Variants in NDUFAF2 observed in about 807,000 individuals in gnomAD.
The protein encoded by NDUFAF2 is NADH dehydrogenase [ubiquinone] 1 alpha subcomplex assembly factor 2.
A neutral mutation model predicts 22.8 loss-of-function variants in NDUFAF2; 13 were observed. The ratio of observed to expected loss-of-function variants is 0.57; its 90% CI spans 0.37 to 0.91. The LOEUF is 0.91. Among genes scored for constraint, NDUFAF2 ranks in the 40% least tolerant of loss-of-function variants. NDUFAF2 has a pLI of 0.01. For synonymous variants in NDUFAF2, 53 were observed against 64.2 expected, an observed-to-expected ratio of 0.83 and a Z score of 0.84; for missense variants, 162 against 195.2, an observed-to-expected ratio of 0.83 and a Z score of 1.01.
intron 3 of NDUFAF2, among the ~76,000 whole-genome samples, chr5:61,151,802 CAA>C (rs66747926): frequency 1.3e-5 from 2 of 151,318 alleles, no homozygotes; most frequent in East Asian, 1.9e-4. Context: ...CTCAAAAAAA[CAA>C]AAAAAAACCA....
chr5:61,083,669 C>G (rs1215390588), intron 2 of NDUFAF2, among the ~76,000 whole-genome samples: 1 of 151,304 alleles, frequency 6.6e-6, no homozygotes, highest in Non-Finnish European at 1.5e-5. Flanking sequence ...TGAGCCACCC[C>G]TCCGGCCTGT....
intron 1 of NDUFAF2, among the ~76,000 whole-genome samples, chr5:61,038,804 A>G (rs1234917862): frequency 6.6e-6 from 1 of 152,140 alleles, no homozygotes; most frequent in African/African-American, 2.4e-5. Context: ...ACTCCATAAC[A>G]TTTGAGGTCA....
chr5:60,962,462 A>G (rs1465557882), intron 1 of NDUFAF2, among the ~76,000 whole-genome samples: 2 of 152,168 alleles, frequency 1.3e-5, no homozygotes, highest in African/African-American at 4.8e-5. Flanking sequence ...ATGAAGCTAT[A>G]TTATTTTCAT....
intron 2 of NDUFAF2, among the ~76,000 whole-genome samples, chr5:61,090,370 A>G (rs927026023): frequency 2.2e-4 from 33 of 151,994 alleles, no homozygotes; most frequent in African/African-American, 8.0e-4. Flanking sequence ...GTTCCAATCA[A>G]CCTTATTTCT....
chr5:61,071,075 G>A (rs765894426), intron 1 of NDUFAF2, among the ~76,000 whole-genome samples: 2 of 152,130 alleles, frequency 1.3e-5, no homozygotes, highest in Non-Finnish European at 2.9e-5. Context: ...TTGTTATGAT[G>A]TATTTATATA....
intron 1 of NDUFAF2, among the ~76,000 whole-genome samples, chr5:61,040,302 G>C (rs1179710331): frequency 1.4e-5 from 2 of 146,368 alleles, no homozygotes; most frequent in Non-Finnish European, 3.0e-5. Flanking sequence ...GCGCGCGCGC[G>C]AAAGTTGAAA....
intron 1 of NDUFAF2, among the ~76,000 whole-genome samples, chr5:61,052,625 A>G (rs79424700): frequency 1.3e-5 from 2 of 152,194 alleles, no homozygotes; most frequent in African/African-American, 4.8e-5. Context: ...GTTATTTTCT[A>G]TTATCCTTAA....
At chr5:60,984,671 G>C (rs1420396566) in intron 1 of NDUFAF2, among the ~76,000 whole-genome samples, 1 of 152,168 alleles carries the variant, frequency 6.6e-6, no homozygotes, top group African/African-American at 2.4e-5. Flanking sequence ...TTTGTTGTTG[G>C]TTCTGTTTAT....
chr5:60,986,719 A>G (rs929776612), intron 1 of NDUFAF2, among the ~76,000 whole-genome samples: 1 of 152,140 alleles, frequency 6.6e-6, no homozygotes, highest in South Asian at 2.1e-4. Context: ...TCACAGGGTC[A>G]GGAGTTTAAG....
At chr5:61,141,867 C>T (rs988967333) in intron 3 of NDUFAF2, among the ~76,000 whole-genome samples, 1 of 152,048 alleles carries the variant, frequency 6.6e-6, no homozygotes, top group Non-Finnish European at 1.5e-5. Flanking sequence ...CTCTTCTTCC[C>T]TCTCTCATCC....
At chr5:61,128,533 A>C (rs1753066404) in intron 3 of NDUFAF2, among the ~76,000 whole-genome samples, 1 of 152,212 alleles carries the variant, frequency 6.6e-6, no homozygotes, top group Non-Finnish European at 1.5e-5. Flanking sequence ...AACCTGACAA[A>C]AACAAGAAAT....
intron 1 of NDUFAF2, among the ~76,000 whole-genome samples, chr5:60,978,574 G>A (rs1580076590): frequency 1.3e-5 from 2 of 152,250 alleles, no homozygotes; most frequent in South Asian, 2.1e-4. Flanking sequence ...TCACTATTGC[G>A]ATGATAGCAC....
chr5:61,018,011 C>T lies in NDUFAF2; in HGVS notation c.128-55114C>T, dbSNP rs545246876. ...AAGTGATTCGCCCACCTCGGCCTCC[C>T]AGAGTGCTGGGATTACAGGCGTGAG... On this transcript the variant is annotated intron_variant, in intron 1 of 3. Transcript: ENST00000296597. Among the ~76,000 whole-genome samples, 6 of 152,286 alleles carry T rather than the reference C, an allele frequency of 3.9e-5. No individual in the cohort carries two copies. In the East Asian group the frequency reaches 1.2e-3, roughly 29 times the overall value.
In NDUFAF2 at chr5:61,097,060, G is replaced by A. The variant is rs1039712194; in HGVS notation, c.218-1932G>A. Reference sequence around the variant, plus strand: ...TGGAGAACACTGGAACTGTATTGGAGATACATGTAAGGGATAAGTGCAAGA... The same window carrying A: ...TGGAGAACACTGGAACTGTATTGGAAATACATGTAAGGGATAAGTGCAAGA... On this transcript the variant is annotated intron_variant, in intron 2 of 3. Transcript: ENST00000296597. Among the ~76,000 whole-genome samples, 2 of 152,208 alleles carry A rather than the reference G, an allele frequency of 1.3e-5. 1 individual carries two copies. The highest frequency in any genetic ancestry group is 4.8e-5 in the African/African-American group (2 of 41,458).
At chr5:61,000,648 T>G (rs371583553) in intron 1 of NDUFAF2, among the ~76,000 whole-genome samples, 3,038 of 91,734 alleles carry the variant, frequency 0.033, 114 homozygotes, top group African/African-American at 0.1. Context: ...CTTTCGGTTC[T>G]CATTTAAGAA....
chr5:60,978,491 T>A (rs1241250091), intron 1 of NDUFAF2, among the ~76,000 whole-genome samples: 1 of 152,070 alleles, frequency 6.6e-6, no homozygotes, highest in East Asian at 1.9e-4. Context: ...AGAAACATCT[T>A]ACATGTCCAG....
At chr5:60,962,804 G>A (rs1334295724) in intron 1 of NDUFAF2, among the ~76,000 whole-genome samples, 3 of 151,086 alleles carry the variant, frequency 2.0e-5, no homozygotes, top group African/African-American at 7.3e-5. Context: ...CTGCACTCCA[G>A]CCAAGTGACA....
At chr5:61,121,144 A>G (rs1003711142) in intron 3 of NDUFAF2, among the ~76,000 whole-genome samples, 8 of 152,156 alleles carry the variant, frequency 5.3e-5, no homozygotes, top group African/African-American at 1.9e-4. Flanking sequence ...ATTTATCATG[A>G]TGGTGATAAA....
chr5:61,124,458 T>C (rs1200179342), intron 3 of NDUFAF2, among the ~76,000 whole-genome samples: 2 of 152,068 alleles, frequency 1.3e-5, no homozygotes, highest in Non-Finnish European at 2.9e-5. Flanking sequence ...CTCATGATGG[T>C]TCTCAAATTT....
Sources: gnomAD v4.1 joint callset for allele counts (sites outside exome capture counted in the v4.1 genomes callset) on GRCh38, gnomAD v4.1.1 for gene constraint, MANE v1.5 for transcripts, NCBI Gene and HGNC (gene_info 2026-07-23, HGNC 2026-07-21) for gene names.